AMD1: variants seen among roughly 807,000 people sequenced by gnomAD.
The protein encoded by AMD1 is S-adenosylmethionine decarboxylase proenzyme.
In AMD1, 11 loss-of-function variants were observed where a neutral mutation model predicts 40.2. The observed-to-expected ratio is 0.27, with a 90% CI of 0.17 to 0.45. The LOEUF is 0.45. AMD1 is among the 20% of genes least tolerant of loss of function. AMD1 has a pLI of 1.00. For missense variants in AMD1, 257 were observed against 410.2 expected (o/e 0.63, Z 3.23); for synonymous variants, 121 against 130.8 (o/e 0.93, Z 0.51).
In AMD1 at chr6:110,892,730, C is replaced by CT. The variant is rs769575269; in HGVS notation, c.616-5_616-4insT. The CT allele has an allele frequency of 1.9e-5, 30 of 1,611,906 alleles. No homozygotes were observed. In the Middle Eastern group the frequency reaches 5.7e-4, roughly 30 times the overall value. ...TTGTTAAACTCGGTCTTTTTCCCCC[C>CT]CCAGGAGAGTGGAATTCGTGACCTG... On this transcript the variant is annotated splice_region_variant and splice_polypyrimidine_tract_variant and intron_variant, in intron 6 of 8. Transcript: ENST00000368885.
At chr6:110,890,441 T>C (rs1410167731) in intron 4 of AMD1, 85 bp downstream of exon 4, 15 of 958,474 alleles carry the variant, frequency 1.6e-5, no homozygotes, top group Non-Finnish European at 2.3e-5. Context: ...AGAGCATACT[T>C]ATGCATATAT....
the AMD1 span, among the ~76,000 whole-genome samples, chr6:110,860,109 G>C: frequency 6.6e-6 from 1 of 152,128 alleles, no homozygotes; most frequent in African/African-American, 2.4e-5. Flanking sequence ...TTACAGGCAT[G>C]AGCCACCATG....
chr6:110,858,573 T>C, the AMD1 span: 5 of 1,598,160 alleles, frequency 3.1e-6, no homozygotes, highest in Admixed American at 1.7e-5. Context: ...AACGACCTGT[T>C]TGAGAGTGGG....
At chr6:110,823,016 G>A in the AMD1 span, among the ~76,000 whole-genome samples, 3 of 152,190 alleles carry the variant, frequency 2.0e-5, no homozygotes, top group Admixed American at 1.3e-4. Context: ...TCAGGAGGCT[G>A]AGGCAGGAAA....
the AMD1 span, among the ~76,000 whole-genome samples, chr6:110,825,054 C>T: frequency 2.1e-3 from 317 of 152,282 alleles, 5 homozygotes; most frequent in East Asian, 0.028. Flanking sequence ...TTGGGGGATA[C>T]ACACCAAGAC....
chr6:110,892,221 T>C lies in AMD1; in HGVS notation c.470+18T>C, dbSNP rs758714664. Reference sequence around the variant, plus strand: ...GACTGTTGGTATGTTTAATGCAATTTTGTGGATTTTTGTTGTCCTATGTAA... The same window carrying C: ...GACTGTTGGTATGTTTAATGCAATTCTGTGGATTTTTGTTGTCCTATGTAA... On this transcript the variant is annotated intron_variant, in intron 5 of 8. Transcript: ENST00000368885. The C allele has an allele frequency of 6.2e-7, 1 of 1,613,700 alleles. No homozygotes were observed. Among genetic ancestry groups the C allele is most frequent in the Non-Finnish European group, 8.5e-7 (1 of 1,179,962 alleles).
At chr6:110,831,236 A>G in the AMD1 span, among the ~76,000 whole-genome samples, 2 of 151,952 alleles carry the variant, frequency 1.3e-5, no homozygotes, top group East Asian at 1.9e-4. Context: ...TCAGGAGTTC[A>G]AGACCAGTCT....
chr6:110,845,607 G>A, the AMD1 span, among the ~76,000 whole-genome samples: 1 of 152,162 alleles, frequency 6.6e-6, no homozygotes, highest in Admixed American at 6.5e-5. Context: ...CTGCTGTTGG[G>A]TCATTAAACT....
intron 1 of AMD1, 37 bp downstream of exon 1, chr6:110,875,252 G>A: frequency 2.0e-6 from 3 of 1,528,484 alleles, no homozygotes; most frequent in Non-Finnish European, 2.7e-6. Flanking sequence ...TCCGGGCCTG[G>A]GGGCTGTCGC....
At chr6:110,849,393 A>G in the AMD1 span, among the ~76,000 whole-genome samples, 25 of 152,366 alleles carry the variant, frequency 1.6e-4, no homozygotes, top group African/African-American at 6.0e-4. Flanking sequence ...TCCATATTAA[A>G]AGATGACAGA....
rs752957635 is a variant in AMD1 at position 110,892,353 on chromosome 6, A to G, written c.525A>G (p.Gln175=). The change falls in exon 6 of 9, where the codon CAA becomes CAG. Residue 175 remains glutamine (Q), a synonymous_variant. Transcript: ENST00000368885. Reference sequence around the variant, plus strand: ...GTCGGGTAATCAGTCAGCCAGATCAAACCTTGGAAATTCTGATGAGTGAGC... The same window carrying G: ...GTCGGGTAATCAGTCAGCCAGATCAGACCTTGGAAATTCTGATGAGTGAGC... The part of the protein sequence containing the change: ...PESRVISQPD[Q]TLEILMSELD... The G allele has an allele frequency of 1.9e-6, 3 of 1,613,366 alleles. No individual in the cohort carries two copies. Among genetic ancestry groups the G allele is most frequent in the South Asian group, 1.1e-5 (1 of 91,042 alleles).
chr6:110,831,866 C>T, the AMD1 span, among the ~76,000 whole-genome samples: 1 of 151,878 alleles, frequency 6.6e-6, no homozygotes, highest in African/African-American at 2.4e-5. Context: ...TTTTTTTAGA[C>T]AGGGTCACAG....
intron 5 of AMD1, 35 bp downstream of exon 5, chr6:110,892,238 C>G: frequency 6.2e-7 from 1 of 1,613,554 alleles, no homozygotes; most frequent in East Asian, 2.2e-5. Context: ...TTTTTGTTGT[C>G]CTATGTAAGA....
At chr6:110,888,007 A>G (rs184660094) in intron 2 of AMD1, among the ~76,000 whole-genome samples, 102 of 152,160 alleles carry the variant, frequency 6.7e-4, no homozygotes, top group African/African-American at 2.3e-3. Flanking sequence ...TTATTCTTAA[A>G]AATATGGTAT....
the AMD1 span, among the ~76,000 whole-genome samples, chr6:110,859,710 C>T: frequency 6.6e-6 from 1 of 152,136 alleles, no homozygotes; most frequent in Non-Finnish European, 1.5e-5. Flanking sequence ...GACCTCAGAC[C>T]CTCAGACCTG....
chr6:110,823,515 T>C, the AMD1 span, among the ~76,000 whole-genome samples: 3 of 152,192 alleles, frequency 2.0e-5, no homozygotes, highest in African/African-American at 7.2e-5. Context: ...TTCAGTGAAG[T>C]CTCAGGCTAC....
Position 110,888,850 on chromosome 6 carries a change from A to C in AMD1, c.198-7A>C. 6.2e-7 allele frequency: 1 copy of C among 1,608,560 alleles called. No homozygotes were observed. Among genetic ancestry groups the C allele is most frequent in the Non-Finnish European group, 8.5e-7 (1 of 1,178,336 alleles). On this transcript the variant is annotated splice_polypyrimidine_tract_variant and splice_region_variant and intron_variant, in intron 2 of 8. Coordinates refer to ENST00000368885, the MANE Select transcript of AMD1 (RefSeq NM_001634.6). ...TGTTATAATATTGTGACTTTTTTCA[A>C]CTGCAGTGAGAGTAGCATGTTTGTC...
chr6:110,858,655 G>T, the AMD1 span: 3 of 1,181,782 alleles, frequency 2.5e-6, no homozygotes, highest in Non-Finnish European at 3.8e-6. Flanking sequence ...TGCAGAGCGG[G>T]GTGGACATCG....
the AMD1 span, chr6:110,816,070 C>T: frequency 2.6e-5 from 4 of 152,190 alleles, no homozygotes; most frequent in Non-Finnish European, 4.4e-5. Flanking sequence ...GATGCAAAAA[C>T]CGTATTTCAA....
Sources: gnomAD v4.1 joint callset for allele counts (sites outside exome capture counted in the v4.1 genomes callset) on GRCh38, gnomAD v4.1.1 for gene constraint, MANE v1.5 for transcripts, NCBI Gene and HGNC (gene_info 2026-07-23, HGNC 2026-07-21) for gene names.